Variants in KDM5A observed in about 807,000 individuals in gnomAD.
KDM5A encodes the protein lysine-specific demethylase 5A.
In KDM5A, 42 loss-of-function variants were observed where a neutral mutation model predicts 193.5. The ratio of observed to expected loss-of-function variants is 0.22; its 90% CI spans 0.17 to 0.28. The LOEUF (loss-of-function observed/expected upper bound fraction) is 0.28. Among genes scored for constraint, KDM5A ranks in the 10% least tolerant of loss-of-function variants. KDM5A has a pLI of 1.00. For synonymous variants in KDM5A, 796 were observed against 718.1 expected (o/e 1.11, Z -1.73); for missense variants, 1,692 against 2,055.1 (o/e 0.82, Z 3.42).
chr12:356,773 T>C (rs1031055241), intron 5 of KDM5A, among the ~76,000 whole-genome samples: 3 of 152,198 alleles, frequency 2.0e-5, no homozygotes, highest in African/African-American at 7.2e-5. Flanking sequence ...AAAAGCATAG[T>C]TCTCAAGCTG....
chr12:373,946 A>T (rs1409473052), intron 3 of KDM5A, among the ~76,000 whole-genome samples: 1 of 152,192 alleles, frequency 6.6e-6, no homozygotes, highest in Non-Finnish European at 1.5e-5. Context: ...TCTGAGAGAC[A>T]GTTTGTTATA....
Position 280,884 on chromosome 12 carries a change from C to A in KDM5A, c.*4572G>T. The A allele has an allele frequency of 4.3e-6, 1 of 232,974 alleles. No individual in the cohort carries two copies. Among genetic ancestry groups the A allele is most frequent in the African/African-American group, 2.2e-5 (1 of 45,440 alleles). The allele number at this position is 232,974 out of a possible 1,614,324, so 14.4% of individuals were successfully genotyped here. A position where few individuals can be genotyped will look rare whatever the true frequency, so the allele number is the denominator to read the frequency against. On this transcript the variant is annotated 3_prime_UTR_variant, in exon 28 of 28. Coordinates refer to ENST00000399788, the MANE Select transcript of KDM5A (RefSeq NM_001042603.3). ...ATAATAGGCTAATCACACCACTGAT[C>A]AAATTATTTTGGCTCAGTTCTTTAT...
chr12:382,687 A>G (rs1944589096), intron 3 of KDM5A, among the ~76,000 whole-genome samples: 1 of 152,152 alleles, frequency 6.6e-6, no homozygotes, highest in African/African-American at 2.4e-5. Context: ...TAATCCCAGC[A>G]CTTTGGGAGA....
At chr12:345,558 AAACT>A (rs1318280607) in intron 10 of KDM5A, among the ~76,000 whole-genome samples, 1 of 152,190 alleles carries the variant, frequency 6.6e-6, no homozygotes, top group African/African-American at 2.4e-5. Flanking sequence ...AAATCATAAC[AAACT>A]GTCTCTCAGA....
rs528310311 is a variant in KDM5A, at chr12:286,985, T to A, written c.4867-1323A>T. On this transcript the variant is annotated intron_variant, in intron 27 of 27. Coordinates refer to ENST00000399788, the MANE Select transcript of KDM5A (RefSeq NM_001042603.3). ...TAACCTGAGTGACTCAATTTCCTCA[T>A]CTGAAAATGGAGATGACATTAATTA... 2.8e-4 allele frequency among the ~76,000 whole-genome samples: 42 copies of A among 152,242 alleles called. No individual in the cohort carries two copies. The South Asian group carries it at 8.7e-3, about 32-fold the overall frequency.
At chr12:292,102 C>T (rs552691652) in intron 27 of KDM5A, among the ~76,000 whole-genome samples, 2 of 152,238 alleles carry the variant, frequency 1.3e-5, no homozygotes, top group South Asian at 4.1e-4. Context: ...TGGGGTTTTA[C>T]CATGTTGGCT....
At chr12:291,437 G>A (rs947325053) in intron 27 of KDM5A, among the ~76,000 whole-genome samples, 1 of 152,110 alleles carries the variant, frequency 6.6e-6, no homozygotes, top group Non-Finnish European at 1.5e-5. Context: ...CAAGATCTAG[G>A]GTTCTACTTT....
At chr12:317,559 A>C (rs1414577039) in intron 19 of KDM5A, among the ~76,000 whole-genome samples, 1 of 152,274 alleles carries the variant, frequency 6.6e-6, no homozygotes, top group Non-Finnish European at 1.5e-5. Flanking sequence ...TACTCTGCAC[A>C]ATAGTTTGCA....
At chr12:374,737 C>A (rs1944479650) in intron 3 of KDM5A, among the ~76,000 whole-genome samples, 1 of 152,152 alleles carries the variant, frequency 6.6e-6, no homozygotes, top group African/African-American at 2.4e-5. Flanking sequence ...ATGTTTAGTG[C>A]TTCCTTCAGG....
intron 24 of KDM5A, among the ~76,000 whole-genome samples, chr12:298,738 A>C (rs2137374373): frequency 6.6e-6 from 1 of 152,238 alleles, no homozygotes; most frequent in South Asian, 2.1e-4. Flanking sequence ...AAGGTGGGTA[A>C]TAACAAACTC....
In KDM5A at chr12:312,488, G is replaced by A. The variant is rs539974903; in HGVS notation, c.3036+568C>T. ...TACAGTAGGTAACAAATTCCCTACT[G>A]CTTAAGAGTTAAATAACTAATTCCA... On this transcript the variant is annotated intron_variant, in intron 20 of 27. Transcript: ENST00000399788. Among the ~76,000 whole-genome samples, 4 of 152,236 alleles carry A rather than the reference G, an allele frequency of 2.6e-5. No individual in the cohort carries two copies. In the South Asian group the frequency reaches 8.3e-4, roughly 32 times the overall value.
intron 10 of KDM5A, among the ~76,000 whole-genome samples, chr12:344,781 G>A (rs1253203731): frequency 2.0e-5 from 3 of 151,262 alleles, no homozygotes; most frequent in African/African-American, 7.4e-5. Flanking sequence ...AAACATGGAA[G>A]GGAACAACTG....
chr12:338,153 A>G (rs1943957877), intron 10 of KDM5A, among the ~76,000 whole-genome samples: 1 of 152,154 alleles, frequency 6.6e-6, no homozygotes, highest in Non-Finnish European at 1.5e-5. Flanking sequence ...AGTTTGGCCC[A>G]TGGCTGGCAT....
At chr12:373,566 T>G (rs920867708) in intron 3 of KDM5A, among the ~76,000 whole-genome samples, 3 of 152,220 alleles carry the variant, frequency 2.0e-5, no homozygotes, top group African/African-American at 7.2e-5. Flanking sequence ...GGGTTTTTTG[T>G]GTCTCTATCT....
intron 4 of KDM5A, among the ~76,000 whole-genome samples, chr12:364,458 C>T (rs1487675306): frequency 2.0e-5 from 3 of 149,036 alleles, no homozygotes; most frequent in Admixed American, 6.7e-5. Context: ...GCCTGGGCGA[C>T]ACAGCAAGAT....
intron 3 of KDM5A, 90 bp downstream of exon 3, chr12:383,941 C>T (rs935762361): frequency 1.5e-6 from 2 of 1,355,114 alleles, no homozygotes; most frequent in East Asian, 2.3e-5. Flanking sequence ...AACAAATCCT[C>T]TATTGGAAGC....
At chr12:320,966 T>C (rs1004102186) in intron 18 of KDM5A, 29 bp downstream of exon 18, 35 of 1,431,746 alleles carry the variant, frequency 2.4e-5, no homozygotes, top group Non-Finnish European at 3.5e-5. Context: ...ACAAAGGACA[T>C]TACCCAAAAA....
intron 4 of KDM5A, among the ~76,000 whole-genome samples, chr12:364,692 G>A (rs557841030): frequency 6.0e-5 from 9 of 150,826 alleles, no homozygotes; most frequent in African/African-American, 2.0e-4. Flanking sequence ...GGCTGAGGCA[G>A]GAGAATGGCG....
At chr12:385,674 TG>T (rs1387030232) in intron 2 of KDM5A, among the ~76,000 whole-genome samples, 6 of 152,230 alleles carry the variant, frequency 3.9e-5, no homozygotes, top group Admixed American at 6.5e-5. Context: ...TCTAAGTCTC[TG>T]AAGCTAAGCA....
Sources: allele counts gnomAD v4.1 joint callset (sites outside exome capture counted in the v4.1 genomes callset), GRCh38; gene constraint gnomAD v4.1.1; transcripts MANE v1.5; gene names NCBI Gene and HGNC (gene_info 2026-07-23, HGNC 2026-07-21).